UBXN2A: variants seen among roughly 807,000 people sequenced by gnomAD.
UBXN2A encodes the protein UBX domain-containing protein 2A.
A neutral mutation model predicts 28.4 loss-of-function variants in UBXN2A; 28 were observed. The observed-to-expected ratio is 0.99, with a 90% CI of 0.73 to 1.35. The LOEUF (loss-of-function observed/expected upper bound fraction) is 1.35, where lower values mean the gene tolerates loss of function less well. Among genes scored for constraint, UBXN2A ranks in the 40% most tolerant of loss-of-function variants. The probability of loss-of-function intolerance (pLI) is 0.00; values close to 1 mark genes in which losing one functional copy is unlikely to be tolerated. For missense variants in UBXN2A, 253 were observed against 297.9 expected, an observed-to-expected ratio of 0.85 and a Z score of 1.11; for synonymous variants, 97 against 103.6, an observed-to-expected ratio of 0.94 and a Z score of 0.39.
At chr2:23,946,657 T>C (rs1241625842) in intron 1 of UBXN2A, among the ~76,000 whole-genome samples, 3 of 151,980 alleles carry the variant, frequency 2.0e-5, no homozygotes, top group Non-Finnish European at 4.4e-5. Context: ...AGTTTCACCA[T>C]ATTGGCCAGG....
At chr2:23,957,869 C>T (rs950780688) in intron 1 of UBXN2A, among the ~76,000 whole-genome samples, 21 of 152,204 alleles carry the variant, frequency 1.4e-4, no homozygotes, top group African/African-American at 5.1e-4. Flanking sequence ...TAAATGTGAT[C>T]CACCCACCTT....
intron 6 of UBXN2A, among the ~76,000 whole-genome samples, chr2:23,998,791 A>G (rs1708638839): frequency 6.6e-6 from 1 of 152,004 alleles, no homozygotes; most frequent in Non-Finnish European, 1.5e-5. Flanking sequence ...GTACGGTGAC[A>G]TGATCTCAGC....
intron 2 of UBXN2A, among the ~76,000 whole-genome samples, chr2:23,959,260 G>A (rs1706790125): frequency 6.6e-6 from 1 of 152,284 alleles, no homozygotes; most frequent in African/African-American, 2.4e-5. Flanking sequence ...GGGAGGCCGA[G>A]GTAGGCGGAT....
At chr2:23,973,189 T>C (rs1464705004) in intron 3 of UBXN2A, among the ~76,000 whole-genome samples, 1 of 151,250 alleles carries the variant, frequency 6.6e-6, no homozygotes, top group East Asian at 2.0e-4. Context: ...CTAGCTAATT[T>C]TTTGTATTTT....
intron 1 of UBXN2A, among the ~76,000 whole-genome samples, chr2:23,934,452 G>A (rs935238158): frequency 6.6e-5 from 10 of 152,294 alleles, no homozygotes; most frequent in Admixed American, 3.3e-4. Context: ...CTCAAGGGAA[G>A]GAAATGCTCA....
chr2:23,936,967 T>C (rs937842478), upstream of UBXN2A, among the ~76,000 whole-genome samples: 1 of 152,084 alleles, frequency 6.6e-6, no homozygotes, highest in Non-Finnish European at 1.5e-5. Flanking sequence ...TGCCTAAGCC[T>C]CCCAAAGGGC....
chr2:23,952,414 C>T (rs888640082), intron 1 of UBXN2A, among the ~76,000 whole-genome samples: 1 of 152,078 alleles, frequency 6.6e-6, no homozygotes, highest in African/African-American at 2.4e-5. Flanking sequence ...CAGGCATATG[C>T]CACCGTGCCG....
chr2:23,956,734 C>T (rs1023089106), intron 1 of UBXN2A, among the ~76,000 whole-genome samples: 2 of 152,184 alleles, frequency 1.3e-5, no homozygotes, highest in African/African-American at 4.8e-5. Context: ...CTGAAGTTAT[C>T]CTTTTCTTGA....
At chr2:23,987,779 A>G in intron 6 of UBXN2A, among the ~76,000 whole-genome samples, 1 of 11,522 alleles carries the variant, frequency 8.7e-5, no homozygotes, top group Non-Finnish European at 2.5e-4. Flanking sequence ...CTCCATCTCA[A>G]AAAAAAAAAA....
chr2:23,948,936 C>G lies in UBXN2A; in HGVS notation c.-15+8288C>G, dbSNP rs139470741. Among the ~76,000 whole-genome samples, 490 of 147,922 alleles carry G rather than the reference C, an allele frequency of 3.3e-3. 3 individuals are homozygous for G. The highest frequency in any genetic ancestry group is 0.012 in the African/African-American group (473 of 40,630). On this transcript the variant is annotated intron_variant, in intron 1 of 6. Transcript: ENST00000309033. ...CAGTGAAATCCTTTAAGTAAGACTT[C>G]TCTTGTAGCTTTTTTTTTTTTTTTT...
chr2:23,939,147 A>C (rs1705627897), upstream of UBXN2A, among the ~76,000 whole-genome samples: 1 of 152,186 alleles, frequency 6.6e-6, no homozygotes, highest in African/African-American at 2.4e-5. Flanking sequence ...GGAAAGGATT[A>C]TTGCAACAGG....
chr2:23,974,628 G>A (rs557363479), intron 3 of UBXN2A, among the ~76,000 whole-genome samples: 7 of 152,222 alleles, frequency 4.6e-5, no homozygotes, highest in Admixed American at 3.3e-4. Context: ...TTACAGACGC[G>A]AGCCACCGCG....
intron 2 of UBXN2A, among the ~76,000 whole-genome samples, chr2:23,958,868 A>G (rs1001636373): frequency 2.0e-5 from 3 of 152,166 alleles, no homozygotes; most frequent in Admixed American, 2.0e-4. Context: ...TTTTACAGAC[A>G]GGGTGTCTGT....
chr2:24,004,881 A>C lies in UBXN2A; in HGVS notation c.*5014A>C, dbSNP rs974725002. 2 of 152,242 alleles carry C rather than the reference A, an allele frequency of 1.3e-5. No homozygotes were observed. Among genetic ancestry groups the C allele is most frequent in the Non-Finnish European group, 2.9e-5 (2 of 68,038 alleles). 9.4% of individuals were successfully genotyped at this position (152,242 alleles called of 1,614,324 possible). A position where few individuals can be genotyped will look rare whatever the true frequency, so the allele number is the denominator to read the frequency against. ...ACAGTTGAAGAACTGTTAATGAAATACTGTTCATTAAAAGGATCTGTGAAA... is the reference window on the plus strand; with the variant it reads ...ACAGTTGAAGAACTGTTAATGAAATCCTGTTCATTAAAAGGATCTGTGAAA... On this transcript the variant is annotated 3_prime_UTR_variant, in exon 7 of 7. Transcript: ENST00000309033.
intron 1 of UBXN2A, among the ~76,000 whole-genome samples, chr2:23,942,873 G>C (rs1041740098): frequency 6.6e-6 from 1 of 151,736 alleles, no homozygotes; most frequent in African/African-American, 2.4e-5. Flanking sequence ...AAATGACTTG[G>C]ATGTTATTTT....
chr2:23,957,891 G>A (rs1205173454), intron 1 of UBXN2A, among the ~76,000 whole-genome samples: 1 of 152,116 alleles, frequency 6.6e-6, no homozygotes, highest in Non-Finnish European at 1.5e-5. Context: ...GCCTCCCAAA[G>A]TGCTGGGATT....
chr2:23,931,946 G>A (rs1358588079), intron 1 of UBXN2A, among the ~76,000 whole-genome samples: 1 of 151,954 alleles, frequency 6.6e-6, no homozygotes, highest in East Asian at 1.9e-4. Context: ...AGGAGGCAGA[G>A]ATTGCAGTGA....
At chr2:23,978,121 C>T (rs1272782294) in intron 4 of UBXN2A, among the ~76,000 whole-genome samples, 1 of 152,140 alleles carries the variant, frequency 6.6e-6, no homozygotes, top group Non-Finnish European at 1.5e-5. Flanking sequence ...AGCCACCACG[C>T]CTGGCCAACA....
At chr2:23,961,873 C>A (rs925638021) in intron 2 of UBXN2A, among the ~76,000 whole-genome samples, 1 of 147,948 alleles carries the variant, frequency 6.8e-6, no homozygotes, top group Non-Finnish European at 1.5e-5. Flanking sequence ...GAGACAGAGT[C>A]TTGCTCTGTC....
Sources: allele counts gnomAD v4.1 joint callset (sites outside exome capture counted in the v4.1 genomes callset), GRCh38; gene constraint gnomAD v4.1.1; transcripts MANE v1.5; gene names NCBI Gene and HGNC (gene_info 2026-07-23, HGNC 2026-07-21).